GNAO1: variants seen among roughly 807,000 people sequenced by gnomAD.
The protein encoded by GNAO1 is G protein subunit alpha o1, also known as guanine nucleotide-binding protein G(o) subunit alpha.
For missense variants in GNAO1, 166 were observed against 478.7 expected, an observed-to-expected ratio of 0.35 and a Z score of 6.10; for synonymous variants, 164 against 180.7, an observed-to-expected ratio of 0.91 and a Z score of 0.74.
At chr16:56,336,407 A>G (rs1385989180) in intron 5 of GNAO1, 1 of 251,094 alleles carries the variant, frequency 4.0e-6, no homozygotes, top group Non-Finnish European at 7.8e-6. Flanking sequence ...TCCTCATGCG[A>G]GGAGGACTCT....
At chr16:56,290,631 G>A (rs370484747) in intron 3 of GNAO1, among the ~76,000 whole-genome samples, 87 of 152,242 alleles carry the variant, frequency 5.7e-4, no homozygotes, top group Admixed American at 1.3e-3. Context: ...ACCTGCCCAC[G>A]CACTGTGCAG....
At chr16:56,261,911 C>A (rs1340498289) in intron 2 of GNAO1, among the ~76,000 whole-genome samples, 1 of 152,204 alleles carries the variant, frequency 6.6e-6, no homozygotes, top group Non-Finnish European at 1.5e-5. Flanking sequence ...CTCCTGACTG[C>A]TAAGAACAGA....
chr16:56,310,074 G>A (rs1386964954), intron 3 of GNAO1, among the ~76,000 whole-genome samples: 1 of 152,082 alleles, frequency 6.6e-6, no homozygotes, highest in Admixed American at 6.5e-5. Flanking sequence ...TGCTTTGGGA[G>A]GCCAAGGCAG....
chr16:56,322,968 C>T (rs557568091), intron 3 of GNAO1, among the ~76,000 whole-genome samples: 37 of 152,276 alleles, frequency 2.4e-4, no homozygotes, highest in Non-Finnish European at 3.8e-4. Flanking sequence ...AATCAGGAAA[C>T]GATCCCTGCC....
chr16:56,296,442 G>C (rs1464997146), intron 3 of GNAO1, among the ~76,000 whole-genome samples: 1 of 152,168 alleles, frequency 6.6e-6, no homozygotes. Flanking sequence ...AGTTATAGTG[G>C]CCCTCAACAA....
At chr16:56,290,400 C>G (rs1016852436) in intron 3 of GNAO1, among the ~76,000 whole-genome samples, 2 of 152,196 alleles carry the variant, frequency 1.3e-5, no homozygotes, top group African/African-American at 4.8e-5. Flanking sequence ...GGTGGGTGCT[C>G]TATTGAAGTC....
At chr16:56,215,053 G>A (rs750841510) in intron 2 of GNAO1, among the ~76,000 whole-genome samples, 1 of 152,134 alleles carries the variant, frequency 6.6e-6, no homozygotes, top group African/African-American at 2.4e-5. Flanking sequence ...ACTACAGAAC[G>A]CCTTCTCCCT....
At position 56,351,467 on chromosome 16, in the gene GNAO1, C is replaced by T. The variant is rs2037920581; in HGVS notation, c.807C>T (p.Leu269=). The T allele has an allele frequency of 6.2e-7, 1 of 1,610,178 alleles. No homozygotes were observed. The highest frequency in any genetic ancestry group is 8.5e-7 in the Non-Finnish European group (1 of 1,176,528). ...FFIDTSIILF[L]NKKDLFGEKI... ...TCGATACCTCCATCATTCTCTTCCT[C>T]AACAAGAAAGATCTCTTTGGCGAGA... Residue 269 remains leucine (L), a synonymous_variant, in exon 7 of 9, where the codon CTC becomes CTT. Transcript: ENST00000262493. The surrounding 1 kb of genome is among the most constrained non-coding windows in gnomAD (Gnocchi z 6.1).
At chr16:56,268,571 G>A (rs1010806641) in intron 2 of GNAO1, among the ~76,000 whole-genome samples, 1 of 152,180 alleles carries the variant, frequency 6.6e-6, no homozygotes, top group Non-Finnish European at 1.5e-5. Flanking sequence ...ATGACTTGTT[G>A]TTCTTCCAGA....
At chr16:56,327,539 T>G (rs2037647868) in intron 3 of GNAO1, among the ~76,000 whole-genome samples, 1 of 152,170 alleles carries the variant, frequency 6.6e-6, no homozygotes, top group Non-Finnish European at 1.5e-5. Context: ...TAAGTACTAC[T>G]CCCGTGTGCA....
Position 56,200,042 on chromosome 16 carries a change from G to T in GNAO1, c.161+7426G>T, listed in dbSNP as rs774478298. 6.6e-5 allele frequency among the ~76,000 whole-genome samples: 10 copies of T among 152,282 alleles called. No individual in the cohort carries two copies. In the South Asian group the frequency reaches 2.1e-3, roughly 32 times the overall value. On this transcript the variant is annotated intron_variant, in intron 2 of 8. Coordinates refer to ENST00000262493, the MANE Select transcript of GNAO1 (RefSeq NM_020988.3). The stretch of plus-strand genomic sequence containing the variant: ...GCTAACAATTTACCTTGGATTCTCT[G>T]CCTGTGTCTTAGCCAACAGATAGGT...
At chr16:56,336,602 T>A in intron 5 of GNAO1, 129 bp from the exon 6 acceptor site, 2 of 768,828 alleles carry the variant, frequency 2.6e-6, no homozygotes, top group Non-Finnish European at 4.1e-6. Flanking sequence ...GGTCTTCTAG[T>A]GAGGGCTTTT....
At chr16:56,297,887 G>T (rs567349689) in intron 3 of GNAO1, among the ~76,000 whole-genome samples, 1 of 152,184 alleles carries the variant, frequency 6.6e-6, no homozygotes, top group Admixed American at 6.5e-5. Flanking sequence ...AATAGTTATC[G>T]AGTGGGAGTG....
Position 56,304,606 on chromosome 16 carries a change from G to T in GNAO1, c.304-24025G>T, listed in dbSNP as rs185827328. On this transcript the variant is annotated intron_variant, in intron 3 of 8. Transcript: ENST00000262493. ...ATCAGTTTACAACTTTTTTTTTAATGTGGGCAAACTTCACTTTTCTGTCTA... is the reference window on the plus strand; with the variant it reads ...ATCAGTTTACAACTTTTTTTTTAATTTGGGCAAACTTCACTTTTCTGTCTA... Among the ~76,000 whole-genome samples, 286 of 152,172 alleles carry T rather than the reference G, an allele frequency of 1.9e-3. 3 individuals are homozygous for T. The highest frequency in any genetic ancestry group is 1.6e-4 in the Non-Finnish European group (11 of 68,000).
intron 3 of GNAO1, among the ~76,000 whole-genome samples, chr16:56,319,056 C>G (rs1173075070): frequency 6.6e-6 from 1 of 152,202 alleles, no homozygotes; most frequent in Non-Finnish European, 1.5e-5. Context: ...CACCTCATCC[C>G]TTGAGAGGGA....
chr16:56,277,667 A>T (rs1418773468), intron 3 of GNAO1, among the ~76,000 whole-genome samples: 1 of 152,074 alleles, frequency 6.6e-6, no homozygotes, highest in Non-Finnish European at 1.5e-5. Context: ...ATCTTCAGGC[A>T]TGGCACAAGC....
chr16:56,231,002 TG>T (rs1395712514), intron 2 of GNAO1, among the ~76,000 whole-genome samples: 2 of 152,188 alleles, frequency 1.3e-5, no homozygotes. Flanking sequence ...GCTGAGGCTT[TG>T]TTCAGCATTT....
chr16:56,266,802 C>G (rs569938948), intron 2 of GNAO1, among the ~76,000 whole-genome samples: 3 of 152,308 alleles, frequency 2.0e-5, no homozygotes, highest in South Asian at 4.1e-4. Context: ...CACAGTCCAA[C>G]TGTCAGTGAA....
intron 6 of GNAO1, chr16:56,345,909 G>A (rs2037862631): frequency 1.0e-6 from 1 of 985,378 alleles, no homozygotes; most frequent in African/African-American, 1.7e-5. Context: ...CCCTGGAGGT[G>A]GAAGTCACTG....
Sources: allele counts gnomAD v4.1 joint callset (sites outside exome capture counted in the v4.1 genomes callset), GRCh38; gene constraint gnomAD v4.1.1; non-coding constraint Gnocchi (gnomAD v3.1); transcripts MANE v1.5; gene names NCBI Gene and HGNC (gene_info 2026-07-23, HGNC 2026-07-21).